Variants in TASP1 observed in about 807,000 individuals in gnomAD.
TASP1 encodes threonine aspartase 1.
TASP1 carries 16 observed loss-of-function variants against 56.6 expected under a neutral mutation model. The ratio of observed to expected loss-of-function variants is 0.28; its 90% CI spans 0.19 to 0.43. The LOEUF (loss-of-function observed/expected upper bound fraction) is 0.43, where lower values mean the gene tolerates loss of function less well. Ranked by LOEUF, TASP1 falls within the 20% of genes least tolerant of loss-of-function variation. TASP1 has a pLI of 1.00. For synonymous variants in TASP1, 179 were observed against 184.2 expected (o/e 0.97, Z 0.23); for missense variants, 393 against 511.6 (o/e 0.77, Z 2.24).
chr20:13,578,749 T>C (rs777937764), intron 6 of TASP1, among the ~76,000 whole-genome samples: 1 of 152,230 alleles, frequency 6.6e-6, no homozygotes, highest in African/African-American at 2.4e-5. Context: ...ACTGTTATCA[T>C]AGACCAAATT....
At chr20:13,302,386 G>A in the TASP1 span, among the ~76,000 whole-genome samples, 5 of 152,186 alleles carry the variant, frequency 3.3e-5, no homozygotes, top group African/African-American at 1.2e-4. Flanking sequence ...CCTCTATTAG[G>A]ATGAGCTAAT....
the TASP1 span, among the ~76,000 whole-genome samples, chr20:13,190,347 G>A: frequency 6.6e-6 from 1 of 152,134 alleles, no homozygotes; most frequent in East Asian, 1.9e-4. Context: ...TAAAGCTATA[G>A]TAACCAAAAT....
the TASP1 span, among the ~76,000 whole-genome samples, chr20:13,326,470 T>C: frequency 1.3e-5 from 2 of 152,200 alleles, no homozygotes; most frequent in Non-Finnish European, 2.9e-5. Context: ...AGCATCAATA[T>C]GTGAGTGTTC....
At chr20:13,503,505 T>C (rs2044020731) in intron 10 of TASP1, among the ~76,000 whole-genome samples, 2 of 152,178 alleles carry the variant, frequency 1.3e-5, no homozygotes, top group African/African-American at 2.4e-5. Context: ...TAGTAGAGAC[T>C]GGAGGACATA....
At chr20:13,151,703 T>G in the TASP1 span, among the ~76,000 whole-genome samples, 2 of 152,222 alleles carry the variant, frequency 1.3e-5, no homozygotes, top group Non-Finnish European at 2.9e-5. Context: ...TTAGGCCTGA[T>G]GAGCAAAGGA....
chr20:13,430,179 G>A (rs2042757035), intron 12 of TASP1, among the ~76,000 whole-genome samples: 2 of 152,156 alleles, frequency 1.3e-5, no homozygotes, highest in Admixed American at 1.3e-4. Context: ...TGGCAACAGA[G>A]CATCTTGATT....
At chr20:13,565,418 G>A (rs1368055242) in intron 7 of TASP1, among the ~76,000 whole-genome samples, 3 of 152,124 alleles carry the variant, frequency 2.0e-5, no homozygotes, top group African/African-American at 4.8e-5. Flanking sequence ...AAGGCAACTC[G>A]TGGAATGGGA....
chr20:13,257,377 C>T, the TASP1 span, among the ~76,000 whole-genome samples: 2 of 152,030 alleles, frequency 1.3e-5, no homozygotes, highest in African/African-American at 4.8e-5. Flanking sequence ...ATTAGCCAAG[C>T]GTGGTGGTGG....
rs567044755 is a variant in TASP1 at position 13,609,478 on chromosome 20, G to A, written c.282+13968C>T. Among the ~76,000 whole-genome samples, 163 of 152,218 alleles carry A rather than the reference G, an allele frequency of 1.1e-3. No homozygotes were observed. The Middle Eastern group carries it at 0.014, about 13-fold the overall frequency. ...GAGGGCAGATCACTCGAGGTCAGGAGTTCAAAATCAGCCTGGCCAACATGG... is the reference window on the plus strand; with the variant it reads ...GAGGGCAGATCACTCGAGGTCAGGAATTCAAAATCAGCCTGGCCAACATGG... On this transcript the variant is annotated intron_variant, in intron 4 of 13. Coordinates refer to ENST00000337743, the MANE Select transcript of TASP1 (RefSeq NM_017714.3).
intron 9 of TASP1, among the ~76,000 whole-genome samples, chr20:13,531,747 T>G (rs1022810217): frequency 6.6e-6 from 1 of 152,180 alleles, no homozygotes; most frequent in African/African-American, 2.4e-5. Flanking sequence ...CACTGCAACC[T>G]CTGCCTCCCA....
the TASP1 span, among the ~76,000 whole-genome samples, chr20:13,175,481 G>C: frequency 1.3e-5 from 2 of 152,094 alleles, no homozygotes; most frequent in Non-Finnish European, 2.9e-5. Context: ...TGAAGACTTA[G>C]GCAACAAAGA....
the TASP1 span, among the ~76,000 whole-genome samples, chr20:13,197,996 G>C: frequency 6.6e-6 from 1 of 152,078 alleles, no homozygotes; most frequent in African/African-American, 2.4e-5. Context: ...GAAATTACTT[G>C]TAAGAATACA....
the TASP1 span, among the ~76,000 whole-genome samples, chr20:13,378,106 T>G: frequency 6.6e-6 from 1 of 152,192 alleles, no homozygotes; most frequent in South Asian, 2.1e-4. Flanking sequence ...TTATTTCTTT[T>G]CTTCTGCTAA....
chr20:13,627,978 G>T (rs1379490757), intron 2 of TASP1, among the ~76,000 whole-genome samples: 1 of 152,118 alleles, frequency 6.6e-6, no homozygotes, highest in Non-Finnish European at 1.5e-5. Flanking sequence ...TTATGCACTG[G>T]TCTCCTACGG....
At chr20:13,283,540 A>C in the TASP1 span, among the ~76,000 whole-genome samples, 1 of 152,224 alleles carries the variant, frequency 6.6e-6, no homozygotes, top group Non-Finnish European at 1.5e-5. Flanking sequence ...TACAAAATAC[A>C]CAACAGAAGA....
chr20:13,110,189 A>T, the TASP1 span: 1 of 1,613,554 alleles, frequency 6.2e-7, no homozygotes, highest in Non-Finnish European at 8.5e-7. Context: ...TTGGAAAAAG[A>T]TTCTCATCCT....
chr20:13,471,309 C>G (rs952919935), intron 11 of TASP1, among the ~76,000 whole-genome samples: 2 of 152,168 alleles, frequency 1.3e-5, no homozygotes, highest in African/African-American at 4.8e-5. Flanking sequence ...CTCAACTCCC[C>G]TCTCAAAGTC....
chr20:13,567,376 A>G (rs1479135785), intron 7 of TASP1, among the ~76,000 whole-genome samples: 3 of 152,190 alleles, frequency 2.0e-5, no homozygotes, highest in African/African-American at 7.2e-5. Context: ...CTGTGACATG[A>G]GTTTACCTAT....
chr20:13,393,716 A>T, intron 13 of TASP1: 1 of 951,278 alleles, frequency 1.1e-6, no homozygotes, highest in South Asian at 1.4e-5. Context: ...TGAAAGGAAG[A>T]GAGAGGCCCT....
Sources: allele counts gnomAD v4.1 joint callset (sites outside exome capture counted in the v4.1 genomes callset), GRCh38; gene constraint gnomAD v4.1.1; transcripts MANE v1.5; gene names NCBI Gene and HGNC (gene_info 2026-07-23, HGNC 2026-07-21).